Variants in RAD21 observed in about 807,000 individuals in gnomAD.
The protein encoded by RAD21 is double-strand-break repair protein rad21 homolog.
In RAD21, 18 loss-of-function variants were observed where a neutral mutation model predicts 71.5. The observed-to-expected ratio is 0.25, with a 90% CI of 0.17 to 0.37. The LOEUF (loss-of-function observed/expected upper bound fraction) is 0.37, where lower values mean the gene tolerates loss of function less well. Among genes scored for constraint, RAD21 ranks in the 10% least tolerant of loss-of-function variants. RAD21 has a pLI of 1.00. For missense variants in RAD21, 493 were observed against 769.1 expected (o/e 0.64, Z 4.25); for synonymous variants, 248 against 254.0 (o/e 0.98, Z 0.22).
chr8:116,847,649 C>T lies in RAD21; in HGVS notation c.1747G>A (p.Glu583Lys). The T allele has an allele frequency of 1.2e-6, 2 of 1,613,994 alleles. No individual in the cohort carries two copies. Among genetic ancestry groups the T allele is most frequent in the Non-Finnish European group, 1.7e-6 (2 of 1,179,950 alleles). Residue 583 changes from glutamate (E) to lysine (K), a missense_variant, in exon 14 of 14, where the codon GAG becomes AAG. Around this residue, in one of 5 missense-constraint regions of RAD21, gnomAD observed 225 missense variants for 218.3 expected, o/e 1.03. Transcript: ENST00000297338. ...TTTCTGTTCGTATTTCGACATAACTCAAGCAAACTGATAGATTCAGCTCCA... is the reference window on the plus strand; with the variant it reads ...TTTCTGTTCGTATTTCGACATAACTTAAGCAAACTGATAGATTCAGCTCCA... Reference protein sequence around the residue: ...KTGAESISLLELCRNTNRKQA... With the variant: ...KTGAESISLLKLCRNTNRKQA...
rs1483322728 is a variant in RAD21, at chr8:116,846,613, T to G, written c.*887A>C. 1.8e-5 allele frequency: 4 copies of G among 228,144 alleles called. No homozygotes were observed. The East Asian group carries it at 2.5e-4, about 14-fold the overall frequency. The allele number at this position is 228,144 out of a possible 1,614,324, so 14.1% of individuals were successfully genotyped here. A position where few individuals can be genotyped will look rare whatever the true frequency, so the allele number is the denominator to read the frequency against. ...AGCATCGTCTGCTTAAAAGCTAAGT[T>G]GACCAGGTGCATAATTTCCCATCAG... On this transcript the variant is annotated 3_prime_UTR_variant, in exon 14 of 14. Coordinates refer to ENST00000297338, the MANE Select transcript of RAD21 (RefSeq NM_006265.3).
chr8:116,849,064 C>T, intron 12 of RAD21, 35 bp from the exon 13 acceptor site: 1 of 1,483,852 alleles, frequency 6.7e-7, no homozygotes, highest in Non-Finnish European at 9.1e-7. Flanking sequence ...GCTGACAAAA[C>T]AAGTCCAATG....
chr8:116,857,763 G>A (rs1057356083), intron 5 of RAD21, among the ~76,000 whole-genome samples: 3 of 151,594 alleles, frequency 2.0e-5, no homozygotes, highest in East Asian at 1.9e-4. Flanking sequence ...TGTATGTTAA[G>A]TTACATTAAC....
chr8:116,846,530 G>A lies in RAD21; in HGVS notation c.*970C>T, dbSNP rs543501292. On this transcript the variant is annotated 3_prime_UTR_variant, in exon 14 of 14. Coordinates refer to ENST00000297338, the MANE Select transcript of RAD21 (RefSeq NM_006265.3). ...TCCAAACCAGGAGTGTGCAGCACTG[G>A]AAAAGGAGATCAGTACTAAAACTTA... The A allele has an allele frequency of 4.4e-6, 1 of 227,878 alleles. No individual in the cohort carries two copies. The highest frequency in any genetic ancestry group is 1.8e-4 in the South Asian group (1 of 5,480). 14.1% of individuals were successfully genotyped at this position (227,878 alleles called of 1,614,324 possible). A position where few individuals can be genotyped will look rare whatever the true frequency, so the allele number is the denominator to read the frequency against.
At chr8:116,859,476 A>C (rs2130473323) in intron 4 of RAD21, among the ~76,000 whole-genome samples, 1 of 152,232 alleles carries the variant, frequency 6.6e-6, no homozygotes, top group East Asian at 1.9e-4. Context: ...CCTGGCCTCA[A>C]GTGATTCTCC....
chr8:116,861,815 A>G, intron 4 of RAD21, 26 bp downstream of exon 4: 2 of 1,563,138 alleles, frequency 1.3e-6, no homozygotes, highest in Middle Eastern at 1.7e-4. Flanking sequence ...CCAAGTCAAC[A>G]ATTTTTTTTA....
chr8:116,860,933 CA>C (rs764538107), intron 4 of RAD21, among the ~76,000 whole-genome samples: 34 of 152,140 alleles, frequency 2.2e-4, no homozygotes, highest in Admixed American at 4.6e-4. Context: ...GCTGGGGAAA[CA>C]GATGTAATAA....
At chr8:116,868,917 T>TGCAC (rs74487590) in intron 1 of RAD21, among the ~76,000 whole-genome samples, 9,932 of 150,616 alleles carry the variant, frequency 0.066, 1,021 homozygotes, top group African/African-American at 0.22. Flanking sequence ...CCAGAAAACA[T>TGCAC]GCACGCACGC....
chr8:116,861,149 CTTACTCTAAT>C (rs1280696140), intron 4 of RAD21, among the ~76,000 whole-genome samples: 8 of 152,046 alleles, frequency 5.3e-5, no homozygotes, highest in Admixed American at 5.3e-4. Flanking sequence ...TAGGTCATAA[CTTACTCTAAT>C]TAGAAGCCAC....
intron 1 of RAD21, 86 bp downstream of exon 1, chr8:116,874,525 G>C (rs551001248): frequency 7.4e-6 from 2 of 271,094 alleles, no homozygotes; most frequent in Non-Finnish European, 1.4e-5. Flanking sequence ...CCGCCCCCAG[G>C]AGTCCGGCTC....
chr8:116,871,935 A>T (rs1812829628), intron 1 of RAD21, among the ~76,000 whole-genome samples: 1 of 152,208 alleles, frequency 6.6e-6, no homozygotes, highest in African/African-American at 2.4e-5. Context: ...GAACATTCGA[A>T]ATAACCTACT....
intron 8 of RAD21, among the ~76,000 whole-genome samples, chr8:116,855,542 C>T (rs577974421): frequency 6.6e-5 from 10 of 152,028 alleles, no homozygotes; most frequent in Non-Finnish European, 1.5e-4. Context: ...AAGGCAAATT[C>T]TAAGAGTGCA....
At chr8:116,867,135 G>C (rs1812713219) in intron 1 of RAD21, 1 of 153,714 alleles carries the variant, frequency 6.5e-6, no homozygotes, top group South Asian at 2.1e-4. Context: ...CTCAGGCACA[G>C]ATAAAAATCT....
chr8:116,857,422 T>G lies in RAD21; in HGVS notation c.533A>C (p.Glu178Ala). The G allele has an allele frequency of 6.2e-7, 1 of 1,613,442 alleles. No homozygotes were observed. Among genetic ancestry groups the G allele is most frequent in the Non-Finnish European group, 8.5e-7 (1 of 1,179,726 alleles). ...AGTGCTTACTAACATGTCGTCATCC[T>G]CAAAAGCACTGCCTTCTCTCATTAT... ...REIMREGSAFEDDDMLVSTTT... is the reference protein window; with the variant it reads ...REIMREGSAFADDDMLVSTTT... Residue 178 changes from glutamate to alanine, a missense_variant, in exon 6 of 14, where the codon GAG (glutamate) becomes GCG (alanine). Physicochemically the swap from Glu to Ala is moderately radical, Grantham distance 107. Around this residue, in one of 5 missense-constraint regions of RAD21, gnomAD observed 165 missense variants for 229.6 expected, o/e 0.72. Coordinates refer to ENST00000297338, the MANE Select transcript of RAD21 (RefSeq NM_006265.3).
intron 6 of RAD21, among the ~76,000 whole-genome samples, chr8:116,857,053 T>C (rs1454809319): frequency 2.6e-5 from 4 of 152,200 alleles, no homozygotes; most frequent in Non-Finnish European, 5.9e-5. Context: ...TAAGTACTAA[T>C]AAAATTTAGC....
chr8:116,864,669 C>A (rs1812656587), intron 2 of RAD21, among the ~76,000 whole-genome samples: 1 of 151,984 alleles, frequency 6.6e-6, no homozygotes, highest in South Asian at 2.1e-4. Context: ...GAACCTTCAC[C>A]TAAGAACAAA....
intron 10 of RAD21, 164 bp downstream of exon 10, chr8:116,852,385 A>C: frequency 1.3e-6 from 1 of 774,538 alleles, no homozygotes; most frequent in Admixed American, 3.2e-5. Context: ...GAAAGACAGG[A>C]GGCTTCATAC....
intron 9 of RAD21, 60 bp from the exon 10 acceptor site, chr8:116,852,768 C>A: frequency 8.2e-7 from 1 of 1,219,796 alleles, no homozygotes. Flanking sequence ...TAAAAAGTCA[C>A]CACTGATTTC....
At chr8:116,859,191 T>C (rs370361909) in intron 4 of RAD21, among the ~76,000 whole-genome samples, 3 of 152,080 alleles carry the variant, frequency 2.0e-5, no homozygotes, top group African/African-American at 7.2e-5. Context: ...TACTGCACTT[T>C]GTTTTACTGA....
Sources: allele counts gnomAD v4.1 joint callset (sites outside exome capture counted in the v4.1 genomes callset), GRCh38; gene constraint gnomAD v4.1.1; regional missense constraint gnomAD v4.1.1; transcripts MANE v1.5; gene names NCBI Gene and HGNC (gene_info 2026-07-23, HGNC 2026-07-21).